Variants in CCDC93 observed in about 807,000 individuals in gnomAD.
CCDC93 encodes CCC complex scaffolding subunit CCDC93.
In CCDC93, 61 loss-of-function variants were observed where a neutral mutation model predicts 108.2. That is an observed-to-expected ratio of 0.56 (90% confidence interval 0.46 to 0.70). The LOEUF (loss-of-function observed/expected upper bound fraction) is 0.70. CCDC93 is among the 30% of genes least tolerant of loss of function. The pLI, the probability that CCDC93 is intolerant of heterozygous loss-of-function variation, is 0.00. For synonymous variants in CCDC93, 276 were observed against 260.4 expected (o/e 1.06, Z -0.58); for missense variants, 685 against 764.2 (o/e 0.90, Z 1.22).
At chr2:118,005,890 G>A (rs1676852530) in intron 3 of CCDC93, among the ~76,000 whole-genome samples, 1 of 152,168 alleles carries the variant, frequency 6.6e-6, no homozygotes, top group Non-Finnish European at 1.5e-5. Flanking sequence ...CAACATTCCT[G>A]ATGCTCAGTT....
At chr2:118,006,585 T>C (rs749086396) in intron 3 of CCDC93, 137 bp downstream of exon 3, 1 of 659,170 alleles carries the variant, frequency 1.5e-6, no homozygotes, top group Non-Finnish European at 2.7e-6. Context: ...GTTTCATTTG[T>C]AAGGCAGGGA....
chr2:117,954,171 C>T (rs1357107426), intron 12 of CCDC93, among the ~76,000 whole-genome samples: 2 of 152,208 alleles, frequency 1.3e-5, no homozygotes, highest in Non-Finnish European at 2.9e-5. Context: ...CACCCCTGCA[C>T]CCACCTACTC....
chr2:117,961,724 G>C (rs989749457), intron 11 of CCDC93, among the ~76,000 whole-genome samples: 1 of 152,160 alleles, frequency 6.6e-6, no homozygotes, highest in Non-Finnish European at 1.5e-5. Flanking sequence ...AGATGACCAA[G>C]GTGGATTTTG....
chr2:117,976,564 G>A (rs1363706148), intron 8 of CCDC93, among the ~76,000 whole-genome samples: 1 of 152,158 alleles, frequency 6.6e-6, no homozygotes, highest in East Asian at 1.9e-4. Flanking sequence ...TTTATTAAAT[G>A]TTTACTATGT....
At chr2:118,006,679 G>C (rs1446280829) in intron 3 of CCDC93, 43 bp downstream of exon 3, 11 of 1,187,638 alleles carry the variant, frequency 9.3e-6, no homozygotes, top group Non-Finnish European at 1.4e-5. Flanking sequence ...TCAAAAGTTA[G>C]TTCCCTTCTC....
In CCDC93 at chr2:118,001,022, T is replaced by A. The variant is rs151234910; in HGVS notation, c.252-90A>T. On this transcript the variant is annotated intron_variant, in intron 3 of 23. Transcript: ENST00000376300. ...GTCTGGGCAGCATCACAGACGGATC[T>A]GGGACTTCTCCATGCCAGGCTAGTC... is the stretch of plus-strand genomic sequence containing the variant. The A allele has an allele frequency of 1.6e-4, 124 of 767,020 alleles. 1 individual carries two copies. In the African/African-American group the frequency reaches 1.6e-3, roughly 10 times the overall value. The allele number at this position is 767,020 out of a possible 1,614,324, so 47.5% of individuals were successfully genotyped here.
intron 23 of CCDC93, among the ~76,000 whole-genome samples, chr2:117,926,744 A>C (rs1471174223): frequency 1.3e-5 from 2 of 152,346 alleles, no homozygotes; most frequent in African/African-American, 2.4e-5. Context: ...ATAGAAAAAT[A>C]GAGAATCCTC....
intron 12 of CCDC93, among the ~76,000 whole-genome samples, chr2:117,958,121 A>G (rs1330737961): frequency 3.3e-5 from 5 of 152,202 alleles, no homozygotes; most frequent in Non-Finnish European, 5.9e-5. Flanking sequence ...GATAGTAAAT[A>G]TTTTAGGCTT....
chr2:117,970,187 CAAGA>C (rs966261047), intron 11 of CCDC93, among the ~76,000 whole-genome samples: 2 of 152,112 alleles, frequency 1.3e-5, no homozygotes, highest in African/African-American at 4.8e-5. Context: ...ACCAATAATA[CAAGA>C]AAGAGGCCAT....
rs546902095 is a variant in CCDC93, at chr2:117,965,543, A to C, written c.889-7062T>G. On this transcript the variant is annotated intron_variant, in intron 11 of 23. Transcript: ENST00000376300. ...TCATCCATTCTGCCTGGTTATTATC[A>C]GGCAAAAATATTTTAATATCAACAA... 1.2e-3 allele frequency among the ~76,000 whole-genome samples: 181 copies of C among 152,348 alleles called. 1 individual carries two copies. Among genetic ancestry groups the C allele is most frequent in the African/African-American group, 4.2e-3 (173 of 41,574 alleles).
chr2:118,005,255 G>C (rs1213995290), intron 3 of CCDC93, among the ~76,000 whole-genome samples: 2 of 152,040 alleles, frequency 1.3e-5, no homozygotes, highest in African/African-American at 4.8e-5. Flanking sequence ...ATGAAAACAG[G>C]GCCTAACGAC....
intron 14 of CCDC93, among the ~76,000 whole-genome samples, chr2:117,948,936 G>T (rs79325905): frequency 6.6e-6 from 1 of 152,320 alleles, no homozygotes; most frequent in East Asian, 1.9e-4. Context: ...AAGGAGGCAC[G>T]AGCTGTTTAA....
intron 6 of CCDC93, among the ~76,000 whole-genome samples, chr2:117,993,909 T>G (rs1680564279): frequency 6.6e-6 from 1 of 152,210 alleles, no homozygotes; most frequent in Non-Finnish European, 1.5e-5. Flanking sequence ...AAATTTTGTA[T>G]TTTTTGTAGA....
Position 117,939,121 on chromosome 2 carries a change from TA to T in CCDC93, c.1523-11del. On this transcript the variant is annotated splice_polypyrimidine_tract_variant and intron_variant, in intron 19 of 23. Transcript: ENST00000376300. The stretch of plus-strand genomic sequence containing the variant: ...TTGTGCACTGCTGAAACTGTAAAAG[TA>T]AAGAAATCAGCACACGAATAAGAAC... The T allele has an allele frequency of 1.3e-6, 2 of 1,561,276 alleles. No homozygotes were observed. Among genetic ancestry groups the T allele is most frequent in the Non-Finnish European group, 1.8e-6 (2 of 1,133,134 alleles).
At chr2:117,964,793 G>A (rs979665493) in intron 11 of CCDC93, among the ~76,000 whole-genome samples, 1 of 152,074 alleles carries the variant, frequency 6.6e-6, no homozygotes, top group Admixed American at 6.6e-5. Flanking sequence ...GTAGAGATAG[G>A]GGTCTCACCA....
chr2:117,920,527 C>A, intron 23 of CCDC93, 131 bp from the exon 24 acceptor site: 1 of 528,594 alleles, frequency 1.9e-6, no homozygotes. Flanking sequence ...TCTTGGCATG[C>A]TGCCGCCAGG....
intron 22 of CCDC93, among the ~76,000 whole-genome samples, chr2:117,932,456 G>A (rs1247934572): frequency 6.6e-6 from 1 of 152,190 alleles, no homozygotes; most frequent in Non-Finnish European, 1.5e-5. Flanking sequence ...TCCCAATGCT[G>A]TTCAGAGAAA....
intron 4 of CCDC93, 37 bp from the exon 5 acceptor site, chr2:117,996,399 A>T (rs182575917): frequency 1.4e-6 from 2 of 1,437,356 alleles, no homozygotes; most frequent in East Asian, 2.3e-5. Flanking sequence ...GTTGCTAAGG[A>T]CAACATCCCA....
At position 117,931,140 on chromosome 2, in the gene CCDC93, T is replaced by A. The variant is rs762079710; in HGVS notation, c.1739A>T (p.Lys580Ile). Residue 580 changes from lysine to isoleucine, a missense_variant, in exon 23 of 24, where the codon AAA (lysine) becomes ATA (isoleucine). Coordinates refer to ENST00000376300, the MANE Select transcript of CCDC93 (RefSeq NM_019044.5). ...TCTTCTCATTTTGTTCTCTTGCTTT[T>A]TCTTTTCCATCTGTTGAAACATTGT... Reference protein sequence around the residue: ...IKQSRMKMEKKKQENKMRRDQ... With the variant: ...IKQSRMKMEKIKQENKMRRDQ... 3 of 1,612,262 alleles carry A rather than the reference T, an allele frequency of 1.9e-6. No homozygotes were observed. Among genetic ancestry groups the A allele is most frequent in the Non-Finnish European group, 1.7e-6 (2 of 1,178,434 alleles).
Sources: gnomAD v4.1 joint callset for allele counts (sites outside exome capture counted in the v4.1 genomes callset) on GRCh38, gnomAD v4.1.1 for gene constraint, MANE v1.5 for transcripts, NCBI Gene and HGNC (gene_info 2026-07-23, HGNC 2026-07-21) for gene names.